SART1: variants seen among roughly 807,000 people sequenced by gnomAD.
SART1 encodes spliceosome associated factor 1, recruiter of U4/U6.U5 tri-snRNP, also known as U4/U6.U5 tri-snRNP-associated protein 1.
SART1 carries 28 observed loss-of-function variants against 105.0 expected under a neutral mutation model. The observed-to-expected ratio is 0.27, with a 90% CI of 0.20 to 0.37. SART1 has a LOEUF of 0.37. SART1 is among the 10% of genes least tolerant of loss of function. The pLI is 1.00. For missense variants in SART1, 894 were observed against 1,106.5 expected, an observed-to-expected ratio of 0.81 and a Z score of 2.72; for synonymous variants, 472 against 462.9, an observed-to-expected ratio of 1.02 and a Z score of -0.25.
At position 65,963,132 on chromosome 11, in the gene SART1, G is replaced by A. The variant is rs1039371928; in HGVS notation, c.314-942G>A. 4.6e-5 allele frequency among the ~76,000 whole-genome samples: 7 copies of A among 152,166 alleles called. No homozygotes were observed. In the East Asian group the frequency reaches 1.4e-3, roughly 29 times the overall value. On this transcript the variant is annotated intron_variant, in intron 1 of 19. Transcript: ENST00000312397. ...AAAGACTGTGACATGAGAAGAGGGGGTCAGGACTAGAACCTGAGAAATGCC... is the reference window on the plus strand; with the variant it reads ...AAAGACTGTGACATGAGAAGAGGGGATCAGGACTAGAACCTGAGAAATGCC...
chr11:65,966,597 C>T, intron 9 of SART1, 41 bp downstream of exon 9: 2 of 1,450,042 alleles, frequency 1.4e-6, no homozygotes, highest in Middle Eastern at 1.9e-4. Flanking sequence ...CAAGATTCTC[C>T]CTCCCTCTGG....
rs907714906 is a variant in SART1 at position 65,966,138 on chromosome 11, G to C, written c.901G>C (p.Glu301Gln). The C allele has an allele frequency of 2.5e-6, 4 of 1,614,022 alleles. No homozygotes were observed. The highest frequency in any genetic ancestry group is 2.7e-5 in the African/African-American group (2 of 75,036). ...GAACCTGGTGGATAAGGAGCGGGCA[G>C]AGAAAAATGTGGAGCTGCGGAAGAA... ...NVNLVDKERA[E>Q]KNVELRKKKP... Residue 301 changes from glutamate to glutamine, a missense_variant, in exon 8 of 20, where the codon GAG (glutamate) becomes CAG (glutamine). Glu to Gln is a conservative substitution (Grantham distance 29). Around this residue, in one of 2 missense-constraint regions of SART1, gnomAD observed 712 missense variants for 778.2 expected, o/e 0.91. Transcript: ENST00000312397.
chr11:65,971,678 G>A (rs191063669), intron 12 of SART1, among the ~76,000 whole-genome samples: 230 of 152,026 alleles, frequency 1.5e-3, no homozygotes, highest in African/African-American at 5.0e-3. Flanking sequence ...CTGAAGCAGT[G>A]GATGGTGGGA....
intron 1 of SART1, among the ~76,000 whole-genome samples, chr11:65,962,455 T>C (rs1855166421): frequency 1.3e-5 from 2 of 152,220 alleles, no homozygotes; most frequent in Non-Finnish European, 2.9e-5. Context: ...AATAAATATG[T>C]TGAATGAGTG....
intron 9 of SART1, 47 bp from the exon 10 acceptor site, chr11:65,967,212 T>TGCCTTTCTGTGGCCCCC: frequency 6.2e-7 from 1 of 1,601,200 alleles, no homozygotes; most frequent in Non-Finnish European, 8.5e-7. Context: ...TGTGGCGACC[T>TGCCTTTCTGTGGCCCCC]GCCTTTCTGT....
chr11:65,967,261 G>A lies in SART1; in HGVS notation c.1191G>A (p.Val397=). ...TGTCTCGCCCCTCTTCCCTTAAGGTGACCTTTAAAAAGACCAAGCGGAGGG... is the reference window on the plus strand; with the variant it reads ...TGTCTCGCCCCTCTTCCCTTAAGGTAACCTTTAAAAAGACCAAGCGGAGGG... ...ASEYLTPEEM[V]TFKKTKRRVK... is the part of the protein sequence containing the mutation. Residue 397 remains valine, a splice_region_variant and synonymous_variant, in exon 10 of 20, where the codon GTG becomes GTA. Transcript: ENST00000312397. 1 of 1,613,898 alleles carries A rather than the reference G, an allele frequency of 6.2e-7. No individual in the cohort carries two copies. The highest frequency in any genetic ancestry group is 8.5e-7 in the Non-Finnish European group (1 of 1,179,870).
intron 12 of SART1, among the ~76,000 whole-genome samples, chr11:65,974,692 T>A (rs1855447935): frequency 6.6e-6 from 1 of 151,476 alleles, no homozygotes. Context: ...ATAAGTAGCA[T>A]ATGATGCATT....
At chr11:65,966,880 G>A (rs1251834772) in intron 9 of SART1, among the ~76,000 whole-genome samples, 2 of 152,154 alleles carry the variant, frequency 1.3e-5, no homozygotes, top group Admixed American at 6.5e-5. Flanking sequence ...GAGGATGAGT[G>A]ACAGCGTGGG....
At chr11:65,962,230 C>A in intron 1 of SART1, 137 bp downstream of exon 1, 1 of 662,486 alleles carries the variant, frequency 1.5e-6, no homozygotes, top group Non-Finnish European at 2.3e-6. Context: ...ATTAAATAGT[C>A]TTTCTACGGG....
chr11:65,967,783 TTACAGCAGC>T lies in SART1; in HGVS notation c.1545_1553del (p.Gln516_Leu518del), dbSNP rs1456141019. 6 of 1,548,814 alleles carry T rather than the reference TTACAGCAGC, an allele frequency of 3.9e-6. No homozygotes were observed. Among genetic ancestry groups the T allele is most frequent in the Admixed American group, 2.0e-5 (1 of 50,824 alleles). Reference sequence around the variant, plus strand: ...GGAGAAGGGACGCCGGCTGCGACAGTTACAGCAGCTACAGCAGCTGCGAGACAGTGGCGA... The same window carrying T: ...GGAGAAGGGACGCCGGCTGCGACAGTTACAGCAGCTGCGAGACAGTGGCGA... On this transcript the variant is annotated inframe_deletion, in exon 12 of 20. Coordinates refer to ENST00000312397, the MANE Select transcript of SART1 (RefSeq NM_005146.5).
At chr11:65,973,373 A>C (rs770467917) in intron 12 of SART1, among the ~76,000 whole-genome samples, 8 of 152,188 alleles carry the variant, frequency 5.3e-5, no homozygotes, top group Non-Finnish European at 8.8e-5. Flanking sequence ...TAGATAAGAC[A>C]GGCAGTTCAC....
Position 65,965,079 on chromosome 11 carries a change from G to A in SART1, c.428-13G>A. The A allele has an allele frequency of 6.4e-7, 1 of 1,566,592 alleles. No individual in the cohort carries two copies. Among genetic ancestry groups the A allele is most frequent in the Non-Finnish European group, 8.6e-7 (1 of 1,161,182 alleles). ...TGGGCGGGCATAGCCTCACGTCTGG[G>A]CCCCCCTTCCAGAGGCGGGCACCAA... On this transcript the variant is annotated splice_polypyrimidine_tract_variant and intron_variant, in intron 3 of 19. Transcript: ENST00000312397.
chr11:65,970,385 G>C (rs1236448735), intron 12 of SART1, among the ~76,000 whole-genome samples: 1 of 152,134 alleles, frequency 6.6e-6, no homozygotes. Flanking sequence ...TTTCCCACCC[G>C]CAAAGGAGCC....
Position 65,976,691 on chromosome 11 carries a change from T to C in SART1, c.1782T>C (p.Gly594=). ...GGGATGAGGAGCGCTCAGCCAACGG[T>C]GGCTCCGAATCTGACGGGGAGGAGA... ...FERDEERSAN[G]GSESDGEENI... The change falls in exon 14 of 20, where the codon GGT becomes GGC. Residue 594 remains glycine, a synonymous_variant. Coordinates refer to ENST00000312397, the MANE Select transcript of SART1 (RefSeq NM_005146.5). This position sits in a 1 kb window ranked among gnomAD's most constrained non-coding sequence, Gnocchi z 5.1. 1 of 1,613,650 alleles carries C rather than the reference T, an allele frequency of 6.2e-7. No homozygotes were observed. Among genetic ancestry groups the C allele is most frequent in the African/African-American group, 1.3e-5 (1 of 75,022 alleles).
At chr11:65,964,463 A>G (rs1340596407) in intron 2 of SART1, 52 bp from the exon 3 acceptor site, 6 of 1,599,532 alleles carry the variant, frequency 3.8e-6, no homozygotes, top group South Asian at 2.2e-5. Context: ...GGAAATGCAC[A>G]TGGCACCCTG....
intron 3 of SART1, 34 bp from the exon 4 acceptor site, chr11:65,965,058 C>T (rs750340796): frequency 1.4e-5 from 22 of 1,542,104 alleles, no homozygotes; most frequent in African/African-American, 2.8e-5. Flanking sequence ...CAGCCATGGG[C>T]GGGCATAGCC....
At chr11:65,974,258 C>T (rs999946847) in intron 12 of SART1, among the ~76,000 whole-genome samples, 1 of 147,836 alleles carries the variant, frequency 6.8e-6, no homozygotes, top group African/African-American at 2.5e-5. Flanking sequence ...CCTGTAATCC[C>T]AGCTACTCAG....
At position 65,965,198 on chromosome 11, in the gene SART1, C is replaced by T. The variant is rs1855223553; in HGVS notation, c.534C>T (p.Arg178=). Residue 178 remains arginine, a synonymous_variant, in exon 4 of 20, where the codon CGC becomes CGT. Transcript: ENST00000312397. ...AGCTGGCGGCTGCCAAGGAGAAGCG[C>T]CTGCTGAACCAAAAGCTGGGGTGAG... ...REKLAAAKEK[R]LLNQKLGKIK... is the part of the protein sequence containing the mutation. 6 of 1,607,156 alleles carry T rather than the reference C, an allele frequency of 3.7e-6. No individual in the cohort carries two copies. The highest frequency in any genetic ancestry group is 5.1e-6 in the Non-Finnish European group (6 of 1,178,410).
rs530512587 is a variant in SART1 at position 65,977,361 on chromosome 11, C to T, written c.1946-202C>T. 4.6e-5 allele frequency among the ~76,000 whole-genome samples: 7 copies of T among 152,294 alleles called. No homozygotes were observed. In the East Asian group the frequency reaches 1.4e-3, roughly 29 times the overall value. The stretch of plus-strand genomic sequence containing the variant: ...GCACAGAGAGCCCTGGTGTTAGGAC[C>T]CCAGCTCTGCCATTTCCCTGGCCAG... On this transcript the variant is annotated intron_variant, in intron 15 of 19. Transcript: ENST00000312397.
Sources: gnomAD v4.1 joint callset for allele counts (sites outside exome capture counted in the v4.1 genomes callset) on GRCh38, gnomAD v4.1.1 for gene constraint, gnomAD v4.1.1 regional missense constraint, Gnocchi (gnomAD v3.1) non-coding constraint, MANE v1.5 for transcripts, NCBI Gene and HGNC (gene_info 2026-07-23, HGNC 2026-07-21) for gene names.